Variants in OR2C1 observed in about 807,000 individuals in gnomAD.
OR2C1 encodes olfactory receptor family 2 subfamily C member 1.
For missense variants in OR2C1, 468 were observed against 388.3 expected (o/e 1.21, Z -1.73); for synonymous variants, 209 against 167.3 (o/e 1.25, Z -1.92).
At chr16:3,330,300 T>C in the OR2C1 span, among the ~76,000 whole-genome samples, 1 of 151,766 alleles carries the variant, frequency 6.6e-6, no homozygotes, top group Non-Finnish European at 1.5e-5. Context: ...TCTTTTTTAG[T>C]AGAGACAGGG....
At chr16:3,344,000 C>A in the OR2C1 span, among the ~76,000 whole-genome samples, 1 of 152,060 alleles carries the variant, frequency 6.6e-6, no homozygotes, top group African/African-American at 2.4e-5. Context: ...GGGGGGATCA[C>A]TTGAGGTCAG....
chr16:3,323,802 G>A, the OR2C1 span: 31 of 850,168 alleles, frequency 3.6e-5, no homozygotes, highest in Middle Eastern at 3.5e-4. Flanking sequence ...TTTCCTTTCC[G>A]CTGCTCCTTC....
chr16:3,331,238 G>A, the OR2C1 span, among the ~76,000 whole-genome samples: 4 of 152,076 alleles, frequency 2.6e-5, no homozygotes, highest in Admixed American at 1.3e-4. Flanking sequence ...GGGGTTGTTT[G>A]TTTTTTTCTT....
upstream of OR2C1, among the ~76,000 whole-genome samples, chr16:3,354,749 C>G (rs77922294): frequency 1.3e-5 from 2 of 152,092 alleles, no homozygotes; most frequent in Non-Finnish European, 2.9e-5. Flanking sequence ...CTGAGCGTAT[C>G]AGAATCTTGG....
chr16:3,338,191 C>G, the OR2C1 span, among the ~76,000 whole-genome samples: 1 of 152,190 alleles, frequency 6.6e-6, no homozygotes, highest in Non-Finnish European at 1.5e-5. Flanking sequence ...GATTTGGTGT[C>G]TCCTTTGACT....
chr16:3,344,585 G>A, the OR2C1 span, among the ~76,000 whole-genome samples: 1 of 152,042 alleles, frequency 6.6e-6, no homozygotes. Flanking sequence ...AAATTAGCCG[G>A]GCATGGTGGC....
the OR2C1 span, among the ~76,000 whole-genome samples, chr16:3,325,401 G>A: frequency 6.7e-6 from 1 of 149,810 alleles, no homozygotes; most frequent in East Asian, 2.0e-4. Flanking sequence ...TTACAAGTAT[G>A]AGCCATCACA....
rs1269068666 is a variant in OR2C1 at position 3,356,317 on chromosome 16, T to C, written c.377T>C (p.Val126Ala). The C allele has an allele frequency of 1.9e-6, 3 of 1,613,382 alleles. No homozygotes were observed. In the Admixed American group the frequency reaches 5.0e-5, roughly 27 times the overall value. Reference protein sequence around the residue: ...VVMAFDRYVAVCRPLRYTAIM... With the variant: ...VVMAFDRYVAACRPLRYTAIM... ...ATGGCATTTGACCGCTACGTGGCAG[T>C]GTGCCGGCCCCTCCGCTACACCGCC... Residue 126 changes from valine to alanine, a missense_variant, in exon 1 of 1, where the codon GTG becomes GCG. By Grantham distance (64) the Val-to-Ala change is moderately conservative. Transcript: ENST00000304936.
the OR2C1 span, among the ~76,000 whole-genome samples, chr16:3,345,763 C>G: frequency 6.7e-6 from 1 of 149,506 alleles, no homozygotes; most frequent in Non-Finnish European, 1.5e-5. Flanking sequence ...CTCTCGTTCT[C>G]TCTTTCTCTC....
chr16:3,340,577 C>T, the OR2C1 span, among the ~76,000 whole-genome samples: 99 of 152,182 alleles, frequency 6.5e-4, no homozygotes, highest in Non-Finnish European at 9.4e-4. Flanking sequence ...ACAGTTTTGG[C>T]TCTGTTTTTT....
chr16:3,339,940 G>A, the OR2C1 span, among the ~76,000 whole-genome samples: 13 of 152,232 alleles, frequency 8.5e-5, no homozygotes, highest in Non-Finnish European at 1.8e-4. Flanking sequence ...TTTGGGCCAT[G>A]TCTCTTCTTT....
the OR2C1 span, among the ~76,000 whole-genome samples, chr16:3,326,587 C>G: frequency 2.7e-4 from 41 of 152,166 alleles, no homozygotes; most frequent in African/African-American, 9.7e-4. Flanking sequence ...TCTGTCAATC[C>G]TGATTCCATT....
the OR2C1 span, among the ~76,000 whole-genome samples, chr16:3,337,380 G>T: frequency 6.6e-6 from 1 of 151,224 alleles, no homozygotes; most frequent in African/African-American, 2.4e-5. Flanking sequence ...TGTTGCCTGG[G>T]CTGGTCTCGA....
At chr16:3,324,081 T>C in the OR2C1 span, among the ~76,000 whole-genome samples, 1 of 152,210 alleles carries the variant, frequency 6.6e-6, no homozygotes, top group African/African-American at 2.4e-5. Context: ...TAAAAGATCT[T>C]TACTGTTCAC....
At chr16:3,339,108 A>G in the OR2C1 span, among the ~76,000 whole-genome samples, 1 of 152,108 alleles carries the variant, frequency 6.6e-6, no homozygotes, top group Non-Finnish European at 1.5e-5. Flanking sequence ...GAATTACACA[A>G]TATGTGACCT....
Position 3,356,444 on chromosome 16 carries a change from G to T in OR2C1, c.504G>T (p.Leu168Phe). The T allele has an allele frequency of 6.2e-7, 1 of 1,614,010 alleles. No homozygotes were observed. Among genetic ancestry groups the T allele is most frequent in the Non-Finnish European group, 8.5e-7 (1 of 1,180,052 alleles). ...IQSTFTLQLP[L>F]CGHRRVEGFL... ...CAACATTCACTCTGCAGCTCCCATTGTGTGGGCACCGGAGGGTGGAGGGAT... is the reference window on the plus strand; with the variant it reads ...CAACATTCACTCTGCAGCTCCCATTTTGTGGGCACCGGAGGGTGGAGGGAT... The change falls in exon 1 of 1, where the codon TTG becomes TTT. Residue 168 changes from leucine to phenylalanine, a missense_variant. By Grantham distance (22) the Leu-to-Phe change is conservative. Transcript: ENST00000304936.
rs1196427155 is a variant in OR2C1 at position 3,356,711 on chromosome 16, T to A, written c.771T>A (p.Tyr257Ter). 6.2e-7 allele frequency: 1 copy of A among 1,614,068 alleles called. No individual in the cohort carries two copies. Among genetic ancestry groups the A allele is most frequent in the Non-Finnish European group, 8.5e-7 (1 of 1,180,034 alleles). Residue 257 changes from tyrosine (Y) to a stop codon, truncating the protein, a stop_gained, in exon 1 of 1, where the codon TAT (tyrosine) becomes TAA (stop). Transcript: ENST00000304936. LOFTEE classifies it low-confidence loss of function (END_TRUNC). ...VVFLFYGSAS[Y>*]GYLLPAKNSK... is the part of the protein sequence containing the mutation. Reference sequence around the variant, plus strand: ...TCCTCTTCTATGGCTCAGCCAGCTATGGGTATCTGCTTCCGGCCAAGAACA... The same window carrying A: ...TCCTCTTCTATGGCTCAGCCAGCTAAGGGTATCTGCTTCCGGCCAAGAACA...
the OR2C1 span, among the ~76,000 whole-genome samples, chr16:3,329,499 G>A: frequency 9.2e-4 from 140 of 152,090 alleles, no homozygotes; most frequent in Admixed American, 1.4e-3. Flanking sequence ...GCCCAGGCTG[G>A]AGTGCAGTGG....
At chr16:3,324,975 T>G in the OR2C1 span, among the ~76,000 whole-genome samples, 1 of 152,048 alleles carries the variant, frequency 6.6e-6, no homozygotes, top group Non-Finnish European at 1.5e-5. Context: ...AGTTTTGTAT[T>G]GTATTGTATT....
Sources: allele counts gnomAD v4.1 joint callset (sites outside exome capture counted in the v4.1 genomes callset), GRCh38; gene constraint gnomAD v4.1.1; transcripts MANE v1.5; gene names NCBI Gene and HGNC (gene_info 2026-07-23, HGNC 2026-07-21).